Variants in COLGALT2 observed in about 807,000 individuals in gnomAD.
The protein encoded by COLGALT2 is collagen beta(1-O)galactosyltransferase 2, also known as procollagen galactosyltransferase 2.
COLGALT2 carries 49 observed loss-of-function variants against 73.4 expected under a neutral mutation model. That is an observed-to-expected ratio of 0.67 (90% confidence interval 0.53 to 0.85). The LOEUF (loss-of-function observed/expected upper bound fraction) is 0.85, where lower values mean the gene tolerates loss of function less well. Ranked by LOEUF, COLGALT2 falls within the 40% of genes least tolerant of loss-of-function variation. COLGALT2 has a pLI of 0.00. For missense variants in COLGALT2, 722 were observed against 790.2 expected, an observed-to-expected ratio of 0.91 and a Z score of 1.03; for synonymous variants, 295 against 307.6, an observed-to-expected ratio of 0.96 and a Z score of 0.43.
At chr1:183,981,243 A>G (rs1415447346) in intron 1 of COLGALT2, among the ~76,000 whole-genome samples, 2 of 152,312 alleles carry the variant, frequency 1.3e-5, no homozygotes, top group African/African-American at 2.4e-5. Flanking sequence ...TCAAAAATAT[A>G]TATGATATAA....
chr1:184,026,420 A>G (rs149291364), intron 1 of COLGALT2, among the ~76,000 whole-genome samples: 6 of 152,346 alleles, frequency 3.9e-5, no homozygotes, highest in Non-Finnish European at 7.3e-5. Context: ...ATGGAACCAT[A>G]TAAGACTTAA....
intron 1 of COLGALT2, among the ~76,000 whole-genome samples, chr1:184,010,184 C>T (rs1672196338): frequency 6.6e-6 from 1 of 152,202 alleles, no homozygotes; most frequent in South Asian, 2.1e-4. Flanking sequence ...CATACCCCGA[C>T]TCAAGGTATG....
chr1:183,957,663 G>A lies in COLGALT2; in HGVS notation c.953-2825C>T, dbSNP rs548540826. On this transcript the variant is annotated intron_variant, in intron 6 of 11. Coordinates refer to ENST00000361927, the MANE Select transcript of COLGALT2 (RefSeq NM_015101.4). The stretch of plus-strand genomic sequence containing the variant: ...ACTGTTGTCAAAATAATCTTCCGCC[G>A]CACAGCTCTGTTCTCAACTGTAACA... Among the ~76,000 whole-genome samples, 25 of 151,668 alleles carry A rather than the reference G, an allele frequency of 1.6e-4. No homozygotes were observed. The East Asian group carries it at 2.3e-3, about 14-fold the overall frequency.
At chr1:184,011,725 G>A (rs992628545) in intron 1 of COLGALT2, among the ~76,000 whole-genome samples, 2 of 152,162 alleles carry the variant, frequency 1.3e-5, no homozygotes, top group Admixed American at 6.5e-5. Flanking sequence ...AGCTCTCTCG[G>A]CTGCCTACTT....
rs186355645 is a variant in COLGALT2, at chr1:184,023,716, T to G, written c.263+13379A>C. On this transcript the variant is annotated intron_variant, in intron 1 of 11. Coordinates refer to ENST00000361927, the MANE Select transcript of COLGALT2 (RefSeq NM_015101.4). The stretch of plus-strand genomic sequence containing the variant: ...ACTTATTTTGCATATATGATAAAAT[T>G]AAATCTAACCAAATACCTGCAACAC... 1.4e-4 allele frequency among the ~76,000 whole-genome samples: 21 copies of G among 152,142 alleles called. No homozygotes were observed. The East Asian group carries it at 4.1e-3, about 29-fold the overall frequency.
Position 183,937,353 on chromosome 1 carries a change from C to T in COLGALT2, c.*1408G>A. On this transcript the variant is annotated 3_prime_UTR_variant, in exon 12 of 12. Coordinates refer to ENST00000361927, the MANE Select transcript of COLGALT2 (RefSeq NM_015101.4). The stretch of plus-strand genomic sequence containing the variant: ...TAAACTTGAGGGAAACCACCATGAT[C>T]TATACTAGGATGACAGATTGTGGAG... The T allele has an allele frequency of 9.8e-7, 1 of 1,018,926 alleles. No individual in the cohort carries two copies. Among genetic ancestry groups the T allele is most frequent in the Non-Finnish European group, 1.2e-6 (1 of 852,484 alleles). The allele number at this position is 1,018,926 out of a possible 1,614,324, so 63.1% of individuals were successfully genotyped here. A position where few individuals can be genotyped will look rare whatever the true frequency, so the allele number is the denominator to read the frequency against.
chr1:183,950,554 T>C (rs1023496215), intron 8 of COLGALT2, among the ~76,000 whole-genome samples: 1 of 151,986 alleles, frequency 6.6e-6, no homozygotes, highest in Non-Finnish European at 1.5e-5. Flanking sequence ...GTGGCCACTA[T>C]GATCGGTCCA....
Position 183,937,116 on chromosome 1 carries a change from A to C in COLGALT2, c.*1645T>G. 8.1e-7 allele frequency: 1 copy of C among 1,230,200 alleles called. No homozygotes were observed. The highest frequency in any genetic ancestry group is 3.2e-5 in the East Asian group (1 of 31,660). The allele number at this position is 1,230,200 out of a possible 1,614,324, so 76.2% of individuals were successfully genotyped here. A position where few individuals can be genotyped will look rare whatever the true frequency, so the allele number is the denominator to read the frequency against. ...CTTAAAGTGTATCTTACACTCGTAC[A>C]CTAAGCTTGTGTATGTAGCACCACC... On this transcript the variant is annotated 3_prime_UTR_variant, in exon 12 of 12. Coordinates refer to ENST00000361927, the MANE Select transcript of COLGALT2 (RefSeq NM_015101.4).
At chr1:184,009,780 A>C (rs2102846061) in intron 1 of COLGALT2, among the ~76,000 whole-genome samples, 1 of 152,304 alleles carries the variant, frequency 6.6e-6, no homozygotes, top group East Asian at 1.9e-4. Context: ...TAAAATTTGC[A>C]ATTATTATGG....
At chr1:183,941,821 A>G (rs2102788396) in intron 10 of COLGALT2, among the ~76,000 whole-genome samples, 1 of 152,344 alleles carries the variant, frequency 6.6e-6, no homozygotes, top group South Asian at 2.1e-4. Context: ...AGCACTTGAG[A>G]GGAACTAGAG....
At position 183,938,485 on chromosome 1, in the gene COLGALT2, G is replaced by A; in HGVS notation, c.*276C>T. 1 of 1,295,834 alleles carries A rather than the reference G, an allele frequency of 7.7e-7. No individual in the cohort carries two copies. Among genetic ancestry groups the A allele is most frequent in the Non-Finnish European group, 9.8e-7 (1 of 1,015,894 alleles). The allele number at this position is 1,295,834 out of a possible 1,614,324, so 80.3% of individuals were successfully genotyped here. A position where few individuals can be genotyped will look rare whatever the true frequency, so the allele number is the denominator to read the frequency against. Reference sequence around the variant, plus strand: ...TGTGGGAATCAGTATCACATGAGTAGTGAACTGAAGAATTAGGTGTCTGGA... The same window carrying A: ...TGTGGGAATCAGTATCACATGAGTAATGAACTGAAGAATTAGGTGTCTGGA... On this transcript the variant is annotated 3_prime_UTR_variant, in exon 12 of 12. Coordinates refer to ENST00000361927, the MANE Select transcript of COLGALT2 (RefSeq NM_015101.4).
At chr1:183,940,877 C>G (rs998206028) in intron 10 of COLGALT2, 90 bp from the exon 11 acceptor site, 1 of 1,081,650 alleles carries the variant, frequency 9.2e-7, no homozygotes, top group African/African-American at 1.6e-5. Flanking sequence ...ATAGATACCT[C>G]TGAAATCCTG....
In COLGALT2 at chr1:183,940,758, T is replaced by C; in HGVS notation, c.1427A>G (p.Lys476Arg). 6.2e-7 allele frequency: 1 copy of C among 1,614,240 alleles called. No homozygotes were observed. Among genetic ancestry groups the C allele is most frequent in the Non-Finnish European group, 8.5e-7 (1 of 1,180,028 alleles). The change falls in exon 11 of 12, where the codon AAG becomes AGG. Residue 476 changes from lysine to arginine, a missense_variant. Transcript: ENST00000361927. ...ATTGGGCACTGCTTTCTCTGGCTCC[T>C]TTACTTGCATCCTCTTCCTACCAAT... is the stretch of plus-strand genomic sequence containing the variant. ...IYIGRKRMQV[K>R]EPEKAVPNVA...
At chr1:183,964,656 T>G (rs969044073) in intron 5 of COLGALT2, among the ~76,000 whole-genome samples, 1 of 152,236 alleles carries the variant, frequency 6.6e-6, no homozygotes, top group Non-Finnish European at 1.5e-5. Context: ...GTTAAGAACC[T>G]GTAGTGTGAC....
chr1:183,979,274 T>C (rs1671286540), intron 1 of COLGALT2, among the ~76,000 whole-genome samples: 1 of 152,092 alleles, frequency 6.6e-6, no homozygotes, highest in Non-Finnish European at 1.5e-5. Flanking sequence ...TGTAAAACAG[T>C]TATTCAGAAC....
At chr1:183,973,197 G>T (rs1671097307) in intron 4 of COLGALT2, among the ~76,000 whole-genome samples, 3 of 152,130 alleles carry the variant, frequency 2.0e-5, no homozygotes, top group Non-Finnish European at 1.5e-5. Flanking sequence ...TACTAAAAAC[G>T]TGCAAGTTTC....
intron 1 of COLGALT2, among the ~76,000 whole-genome samples, chr1:184,013,209 G>C (rs1648869052): frequency 6.6e-6 from 1 of 152,192 alleles, no homozygotes; most frequent in Non-Finnish European, 1.5e-5. Context: ...CAGCTACTCA[G>C]GAGGCTGACG....
chr1:183,940,635 C>G lies in COLGALT2; in HGVS notation c.1550G>C (p.Gly517Ala). 3.7e-6 allele frequency: 6 copies of G among 1,614,174 alleles called. No individual in the cohort carries two copies. Among genetic ancestry groups the G allele is most frequent in the African/African-American group, 1.3e-5 (1 of 75,032 alleles). Residue 517 changes from glycine (G) to alanine (A), a missense_variant, in exon 11 of 12, where the codon GGG (glycine) becomes GCG (alanine). Physicochemically the swap from Gly to Ala is moderately conservative, Grantham distance 60 (BLOSUM62 0). Transcript: ENST00000361927. ...AAACTCATCCACTGGCAGCATCTTC[C>G]CAAAAGGATTGGCTCCAACCAGCTT... ...AQKLVGANPF[G>A]KMLPVDEFLP...
chr1:184,036,978 G>T, intron 1 of COLGALT2, 117 bp downstream of exon 1: 1 of 880,856 alleles, frequency 1.1e-6, no homozygotes, highest in Non-Finnish European at 1.5e-6. Context: ...TTTTCCGCGT[G>T]CCCCCCCGCC....
Sources: gnomAD v4.1 joint callset for allele counts (sites outside exome capture counted in the v4.1 genomes callset) on GRCh38, gnomAD v4.1.1 for gene constraint, MANE v1.5 for transcripts, NCBI Gene and HGNC (gene_info 2026-07-23, HGNC 2026-07-21) for gene names.